Variants in SEC14L1 observed in about 807,000 individuals in gnomAD.
SEC14L1 encodes SEC14-like protein 1.
SEC14L1 carries 48 observed loss-of-function variants against 85.3 expected under a neutral mutation model. The observed-to-expected ratio is 0.56, with a 90% CI of 0.45 to 0.72. The LOEUF is 0.72. SEC14L1 is among the 30% of genes least tolerant of loss of function. SEC14L1 has a pLI of 0.00. For missense variants in SEC14L1, 682 were observed against 921.4 expected (o/e 0.74, Z 3.36); for synonymous variants, 391 against 355.5 (o/e 1.10, Z -1.12).
chr17:77,181,907 CT>C (rs879298672), intron 3 of SEC14L1, among the ~76,000 whole-genome samples: 141 of 143,520 alleles, frequency 9.8e-4, no homozygotes, highest in Admixed American at 9.7e-4. Flanking sequence ...CGTTTTCTTT[CT>C]TTTTTTTTTT....
chr17:77,191,089 G>A, intron 4 of SEC14L1, 92 bp from the exon 5 acceptor site: 4 of 1,516,850 alleles, frequency 2.6e-6, no homozygotes, highest in Middle Eastern at 1.9e-4. Flanking sequence ...GTCCTGGAGG[G>A]CAGCCCCCAG....
intron 2 of SEC14L1, chr17:77,089,279 A>C (rs1971446893): frequency 4.6e-6 from 2 of 433,962 alleles, no homozygotes; most frequent in Non-Finnish European, 9.2e-6. Flanking sequence ...CAGGTATGTC[A>C]AGCATGGTGA....
At chr17:77,159,819 A>G (rs1230676393) in intron 3 of SEC14L1, among the ~76,000 whole-genome samples, 3 of 152,180 alleles carry the variant, frequency 2.0e-5, no homozygotes, top group Non-Finnish European at 2.9e-5. Context: ...TTTTTTAACA[A>G]AGAAAGAATA....
chr17:77,103,877 C>T (rs932203544), intron 3 of SEC14L1, among the ~76,000 whole-genome samples: 4 of 150,990 alleles, frequency 2.6e-5, no homozygotes, highest in Admixed American at 6.6e-5. Flanking sequence ...ATCCAGGCGG[C>T]ACCGGGCGGG....
intron 8 of SEC14L1, 139 bp downstream of exon 8, chr17:77,196,450 T>A (rs1239515402): frequency 1.7e-6 from 1 of 599,084 alleles, no homozygotes. Context: ...AGTCATTGAA[T>A]TTATGTCTCT....
intron 2 of SEC14L1, chr17:77,089,475 T>C (rs771695677): frequency 1.9e-6 from 1 of 518,560 alleles, no homozygotes; most frequent in Non-Finnish European, 3.9e-6. Flanking sequence ...GATGATCATG[T>C]ATGATACTGC....
chr17:77,153,385 T>C (rs964138628), intron 3 of SEC14L1, among the ~76,000 whole-genome samples: 7 of 152,284 alleles, frequency 4.6e-5, no homozygotes, highest in African/African-American at 1.4e-4. Context: ...TGTTTAAACA[T>C]TTGCTGGCAG....
At chr17:77,093,810 A>G (rs566457616) in intron 3 of SEC14L1, 3 of 152,350 alleles carry the variant, frequency 2.0e-5, no homozygotes, top group South Asian at 4.1e-4. Context: ...TATGTTGCCT[A>G]TAGGCTGGTC....
chr17:77,205,081 C>CTTTCAAA (rs1167055782), intron 10 of SEC14L1, 195 bp from the exon 11 acceptor site: 2 of 562,664 alleles, frequency 3.6e-6, no homozygotes, highest in Non-Finnish European at 6.4e-6. Flanking sequence ...TGTTTATTCT[C>CTTTCAAA]TTTCAAAAGT....
rs1976788110 is a variant in SEC14L1, at chr17:77,212,152, A to G, written c.1814A>G (p.Tyr605Cys). The change falls in exon 15 of 17, where the codon TAC becomes TGC. Residue 605 changes from tyrosine to cysteine, a missense_variant. By Grantham distance (194) the Tyr-to-Cys change is radical. Around this residue, in one of 3 missense-constraint regions of SEC14L1, gnomAD observed 420 missense variants for 619.5 expected, o/e 0.68. Coordinates refer to ENST00000436233, the MANE Select transcript of SEC14L1 (RefSeq NM_001143998.2). ...IDKVWQLGRD[Y>C]SMVESPLICK... ...AAAGTCTGGCAGCTGGGCCGCGACT[A>G]CAGCATGGTGGAGTCGCCTCTGATC... The G allele has an allele frequency of 6.2e-7, 1 of 1,614,136 alleles. No homozygotes were observed. The highest frequency in any genetic ancestry group is 8.5e-7 in the Non-Finnish European group (1 of 1,180,034).
chr17:77,182,284 C>G (rs1299198593), intron 3 of SEC14L1, among the ~76,000 whole-genome samples: 1 of 152,148 alleles, frequency 6.6e-6, no homozygotes, highest in Non-Finnish European at 1.5e-5. Context: ...CTTTCTTTAG[C>G]ACAGTACTAG....
upstream of SEC14L1, among the ~76,000 whole-genome samples, chr17:77,138,657 AG>A (rs1317070448): frequency 1.3e-5 from 2 of 152,070 alleles, no homozygotes; most frequent in Non-Finnish European, 2.9e-5. Flanking sequence ...AAAAAACCTA[AG>A]GAAAAAAATA....
chr17:77,210,490 G>C (rs1976690503), intron 14 of SEC14L1: 1 of 152,850 alleles, frequency 6.5e-6, no homozygotes, highest in Non-Finnish European at 1.5e-5. Context: ...GGAGCTGACT[G>C]CGGCCTGCTT....
intron 15 of SEC14L1, among the ~76,000 whole-genome samples, chr17:77,212,550 A>G (rs573951048): frequency 6.6e-6 from 1 of 152,316 alleles, no homozygotes; most frequent in African/African-American, 2.4e-5. Flanking sequence ...ATCACCCTAA[A>G]TAGAAGTAAG....
chr17:77,125,171 A>G (rs1972410641), intron 3 of SEC14L1, among the ~76,000 whole-genome samples: 1 of 151,632 alleles, frequency 6.6e-6, no homozygotes, highest in Non-Finnish European at 1.5e-5. Flanking sequence ...TAATTTTTCT[A>G]TTTTTAGTAG....
chr17:77,140,294 C>T (rs915392688), upstream of SEC14L1, among the ~76,000 whole-genome samples: 1 of 152,216 alleles, frequency 6.6e-6, no homozygotes, highest in African/African-American at 2.4e-5. Context: ...AAGCCCGCGG[C>T]CCGACACTAG....
intron 8 of SEC14L1, among the ~76,000 whole-genome samples, chr17:77,197,885 C>T (rs920083413): frequency 6.6e-6 from 1 of 152,174 alleles, no homozygotes; most frequent in Non-Finnish European, 1.5e-5. Context: ...GGATTACAGG[C>T]GTGAGCCACT....
intron 3 of SEC14L1, among the ~76,000 whole-genome samples, chr17:77,165,925 A>G (rs1212870799): frequency 6.6e-6 from 1 of 152,214 alleles, no homozygotes; most frequent in East Asian, 1.9e-4. Context: ...TAAATGTCAA[A>G]TGAAAATGTT....
intron 3 of SEC14L1, among the ~76,000 whole-genome samples, chr17:77,153,889 C>T (rs1598308857): frequency 6.6e-6 from 1 of 152,176 alleles, no homozygotes; most frequent in Non-Finnish European, 1.5e-5. Context: ...GCTAGTGAAG[C>T]AGACACTTTT....
Sources: allele counts gnomAD v4.1 joint callset (sites outside exome capture counted in the v4.1 genomes callset), GRCh38; gene constraint gnomAD v4.1.1; regional missense constraint gnomAD v4.1.1; transcripts MANE v1.5; gene names NCBI Gene and HGNC (gene_info 2026-07-23, HGNC 2026-07-21).